EXOC6: variants seen among roughly 807,000 people sequenced by gnomAD.
The protein encoded by EXOC6 is exocyst complex component 6.
A neutral mutation model predicts 112.5 loss-of-function variants in EXOC6; 60 were observed. That is an observed-to-expected ratio of 0.53 (90% CI 0.43 to 0.66). The LOEUF (loss-of-function observed/expected upper bound fraction) is 0.66, where lower values mean the gene tolerates loss of function less well. Ranked by LOEUF, EXOC6 falls within the 30% of genes least tolerant of loss-of-function variation. The probability of loss-of-function intolerance (pLI) is 0.00; values close to 1 mark genes in which losing one functional copy is unlikely to be tolerated. For missense variants in EXOC6, 855 were observed against 957.1 expected, an observed-to-expected ratio of 0.89 and a Z score of 1.41; for synonymous variants, 295 against 308.0, an observed-to-expected ratio of 0.96 and a Z score of 0.44.
At chr10:93,030,742 C>A (rs549896359) in intron 20 of EXOC6, among the ~76,000 whole-genome samples, 18 of 152,228 alleles carry the variant, frequency 1.2e-4, no homozygotes, top group African/African-American at 4.3e-4. Flanking sequence ...TAATATACTT[C>A]ATAAATTATA....
At position 92,887,544 on chromosome 10, in the gene EXOC6, C is replaced by T. The variant is rs556331894; in HGVS notation, c.102-5805C>T. ...CCTCCCAAGTAGCTGGGATTACAGG[C>T]GCCCGCCACCACACCCAGCTAATTT... On this transcript the variant is annotated intron_variant, in intron 1 of 21. Transcript: ENST00000260762. 8.1e-4 allele frequency among the ~76,000 whole-genome samples: 123 copies of T among 151,312 alleles called. 4 individuals are homozygous for T. In the South Asian group the frequency reaches 0.024, roughly 29 times the overall value.
At chr10:92,848,235 T>C (rs575754414), upstream of EXOC6, among the ~76,000 whole-genome samples, 6 of 152,084 alleles carry the variant, frequency 3.9e-5, no homozygotes, top group South Asian at 1.2e-3. Context: ...CAAGGAGATA[T>C]GTTAAAGCCC....
At chr10:92,941,296 A>C (rs985234074) in intron 13 of EXOC6, among the ~76,000 whole-genome samples, 6 of 152,154 alleles carry the variant, frequency 3.9e-5, no homozygotes, top group Non-Finnish European at 5.9e-5. Flanking sequence ...CATTGTCTTT[A>C]TATACCACAT....
intron 17 of EXOC6, among the ~76,000 whole-genome samples, chr10:92,957,669 G>T (rs1264221454): frequency 6.6e-6 from 1 of 152,128 alleles, no homozygotes; most frequent in Non-Finnish European, 1.5e-5. Context: ...AGCAAGAGCT[G>T]TTTTCATCTT....
intron 20 of EXOC6, among the ~76,000 whole-genome samples, chr10:93,046,234 A>G (rs1802229193): frequency 6.6e-6 from 1 of 151,602 alleles, no homozygotes; most frequent in Non-Finnish European, 1.5e-5. Flanking sequence ...ACATTATTAG[A>G]AGGAGGAAAA....
At chr10:92,931,465 G>A (rs1271768145) in intron 9 of EXOC6, among the ~76,000 whole-genome samples, 1 of 150,272 alleles carries the variant, frequency 6.7e-6, no homozygotes. Context: ...TATATATAAT[G>A]TGTAATGATC....
intron 20 of EXOC6, among the ~76,000 whole-genome samples, chr10:93,041,736 GA>G (rs991441977): frequency 6.6e-6 from 1 of 151,756 alleles, no homozygotes; most frequent in African/African-American, 2.4e-5. Flanking sequence ...TTATGAGATG[GA>G]GTCTTGCTCT....
At chr10:92,985,426 G>A (rs553651876) in intron 18 of EXOC6, among the ~76,000 whole-genome samples, 28 of 152,148 alleles carry the variant, frequency 1.8e-4, no homozygotes, top group Non-Finnish European at 3.2e-4. Flanking sequence ...GAAAGCACCC[G>A]TTCATGAATT....
At chr10:93,032,646 A>G (rs1168835557) in intron 20 of EXOC6, among the ~76,000 whole-genome samples, 1 of 152,202 alleles carries the variant, frequency 6.6e-6, no homozygotes, top group African/African-American at 2.4e-5. Context: ...TGCTTTGGGC[A>G]CTGTTTTAAG....
At chr10:93,024,078 C>G (rs968144379) in intron 20 of EXOC6, among the ~76,000 whole-genome samples, 1 of 152,200 alleles carries the variant, frequency 6.6e-6, no homozygotes, top group Non-Finnish European at 1.5e-5. Flanking sequence ...CATTGCTTCA[C>G]TAATACTATA....
chr10:92,969,930 G>A (rs1189124557), intron 17 of EXOC6, among the ~76,000 whole-genome samples: 4 of 152,144 alleles, frequency 2.6e-5, no homozygotes, highest in Non-Finnish European at 5.9e-5. Context: ...CTGACGTCAG[G>A]TGATCCACCC....
At chr10:92,975,493 GC>G (rs1294474867) in intron 18 of EXOC6, among the ~76,000 whole-genome samples, 1 of 140,304 alleles carries the variant, frequency 7.1e-6, no homozygotes, top group Admixed American at 6.9e-5. Flanking sequence ...TCAGCCCCCC[GC>G]CCACCCAGCC....
upstream of EXOC6, among the ~76,000 whole-genome samples, chr10:92,834,209 T>C (rs2133568688): frequency 6.6e-6 from 1 of 152,222 alleles, no homozygotes; most frequent in Non-Finnish European, 1.5e-5. Flanking sequence ...TCACATCCCA[T>C]AGCACATTTC....
intron 1 of EXOC6, among the ~76,000 whole-genome samples, chr10:92,868,704 T>C (rs1848295379): frequency 6.6e-6 from 1 of 152,154 alleles, no homozygotes; most frequent in Non-Finnish European, 1.5e-5. Flanking sequence ...GTTAAACTTT[T>C]CCATAAATAA....
At chr10:92,985,549 T>G (rs1296536749) in intron 18 of EXOC6, among the ~76,000 whole-genome samples, 1 of 152,210 alleles carries the variant, frequency 6.6e-6, no homozygotes, top group African/African-American at 2.4e-5. Flanking sequence ...TAACTTAGTC[T>G]GCCATCTTGA....
chr10:92,836,386 C>A (rs111824487), intron 1 of EXOC6, among the ~76,000 whole-genome samples: 2 of 152,240 alleles, frequency 1.3e-5, no homozygotes, highest in African/African-American at 4.8e-5. Flanking sequence ...CTTTCTACAG[C>A]AAAAAATCAT....
chr10:92,899,688 C>G, intron 5 of EXOC6, 44 bp downstream of exon 5: 2 of 1,420,984 alleles, frequency 1.4e-6, no homozygotes, highest in Non-Finnish European at 2.0e-6. Context: ...GAATTTTTTT[C>G]TATTATTGAA....
At chr10:92,832,211 A>C (rs1262233704), upstream of EXOC6, among the ~76,000 whole-genome samples, 1 of 152,212 alleles carries the variant, frequency 6.6e-6, no homozygotes, top group African/African-American at 2.4e-5. Context: ...CTCAGCTAGT[A>C]GCTTTCACAA....
At chr10:93,009,875 G>C (rs1389232147) in intron 19 of EXOC6, among the ~76,000 whole-genome samples, 3 of 152,170 alleles carry the variant, frequency 2.0e-5, no homozygotes, top group Non-Finnish European at 2.9e-5. Flanking sequence ...AGATGATGGG[G>C]AACTATTGAA....
Sources: gnomAD v4.1 joint callset for allele counts (sites outside exome capture counted in the v4.1 genomes callset) on GRCh38, gnomAD v4.1.1 for gene constraint, MANE v1.5 for transcripts, NCBI Gene and HGNC (gene_info 2026-07-23, HGNC 2026-07-21) for gene names.